TEX29: variants seen among roughly 807,000 people sequenced by gnomAD.
TEX29 encodes testis-expressed protein 29.
A neutral mutation model predicts 18.2 loss-of-function variants in TEX29; 26 were observed. The observed-to-expected ratio is 1.43, with a 90% CI of 1.04 to 1.98. TEX29 has a LOEUF of 1.98. Ranked by LOEUF, TEX29 falls within the 30% of genes most tolerant of loss-of-function variation. The pLI is 0.00. For missense variants in TEX29, 177 were observed against 194.2 expected (o/e 0.91, Z 0.53); for synonymous variants, 83 against 78.5 (o/e 1.06, Z -0.31).
intron 3 of TEX29, among the ~76,000 whole-genome samples, chr13:111,330,954 A>G (rs564843482): frequency 6.6e-6 from 1 of 152,296 alleles, no homozygotes; most frequent in East Asian, 1.9e-4. Context: ...CTATCGGTTT[A>G]TAGACATGTG....
intron 3 of TEX29, among the ~76,000 whole-genome samples, chr13:111,337,563 G>A (rs947124706): frequency 6.6e-6 from 1 of 151,986 alleles, no homozygotes; most frequent in African/African-American, 2.4e-5. Context: ...TTGGCTCCAG[G>A]GATCAGCGTT....
At chr13:111,320,982 G>C in intron 2 of TEX29, 34 bp downstream of exon 2, 1 of 950,258 alleles carries the variant, frequency 1.1e-6, no homozygotes, top group East Asian at 3.0e-5. Context: ...GGCGGGTGGG[G>C]TGGGGGAGCA....
At chr13:111,342,647 G>T in intron 4 of TEX29, 109 bp from the exon 5 acceptor site, 6 of 1,018,064 alleles carry the variant, frequency 5.9e-6, no homozygotes, top group Admixed American at 2.8e-5. Context: ...AAGTATGCAT[G>T]ATCAGGAACC....
At chr13:111,339,823 T>TA in intron 3 of TEX29, 40 bp from the exon 4 acceptor site, 1 of 1,603,318 alleles carries the variant, frequency 6.2e-7, no homozygotes, top group African/African-American at 1.3e-5. Flanking sequence ...CTTTTCTATT[T>TA]ACCTGGATCG....
intron 3 of TEX29, among the ~76,000 whole-genome samples, chr13:111,335,022 T>C (rs1026983618): frequency 6.6e-6 from 1 of 152,246 alleles, no homozygotes; most frequent in African/African-American, 2.4e-5. Context: ...GAGATTCAGC[T>C]GTTTGCCTCA....
chr13:111,317,761 C>T (rs1202106130), upstream of TEX29, among the ~76,000 whole-genome samples: 2 of 152,160 alleles, frequency 1.3e-5, no homozygotes, highest in Non-Finnish European at 2.9e-5. Context: ...TGGGGAGGGC[C>T]CTCCTGCCCC....
At position 111,342,921 on chromosome 13, in the gene TEX29, T is replaced by A. The variant is rs2093699019; in HGVS notation, c.405T>A (p.Asp135Glu). The A allele has an allele frequency of 6.2e-7, 1 of 1,613,950 alleles. No homozygotes were observed. The highest frequency in any genetic ancestry group is 2.2e-5 in the East Asian group (1 of 44,866). The change falls in exon 5 of 6, where the codon GAT becomes GAA. Residue 135 changes from aspartate (D) to glutamate (E), a missense_variant. Transcript: ENST00000283547. ...GGCCCTCGATGAAGAGTGACGAGGA[T>A]AAGGATGATGGTGAGAAGCTTCTGG... ...SAGPSMKSDE[D>E]KDDVTGTITE... is the part of the protein sequence containing the mutation.
At chr13:111,341,711 C>G (rs1455647054) in intron 4 of TEX29, among the ~76,000 whole-genome samples, 1 of 143,114 alleles carries the variant, frequency 7.0e-6, no homozygotes, top group Non-Finnish European at 1.5e-5. Context: ...AGCACCTGTG[C>G]TTGTTGATGA....
chr13:111,323,775 G>A (rs1436533907), intron 2 of TEX29, among the ~76,000 whole-genome samples: 2 of 151,956 alleles, frequency 1.3e-5, no homozygotes, highest in South Asian at 4.2e-4. Context: ...GTTCACACGC[G>A]CTCCAGGCAG....
upstream of TEX29, among the ~76,000 whole-genome samples, chr13:111,317,047 A>G (rs1384268596): frequency 6.6e-6 from 1 of 152,162 alleles, no homozygotes; most frequent in Non-Finnish European, 1.5e-5. Context: ...CTCTCTTGAC[A>G]TGTGGGGATT....
intron 2 of TEX29, among the ~76,000 whole-genome samples, chr13:111,324,900 G>A (rs1384198782): frequency 6.6e-6 from 1 of 152,200 alleles, no homozygotes; most frequent in Admixed American, 6.5e-5. Flanking sequence ...CACCGTGCTG[G>A]CGTGGGCGTG....
chr13:111,331,436 CT>C (rs1274275596), intron 3 of TEX29, among the ~76,000 whole-genome samples: 1 of 148,968 alleles, frequency 6.7e-6, no homozygotes, highest in Admixed American at 6.7e-5. Flanking sequence ...TGTATGGGTT[CT>C]TTATATATTC....
At chr13:111,332,981 A>G (rs2093684767) in intron 3 of TEX29, among the ~76,000 whole-genome samples, 1 of 152,160 alleles carries the variant, frequency 6.6e-6, no homozygotes. Context: ...TTACCCTTCA[A>G]TTTTGAAGCA....
chr13:111,329,474 C>A (rs946807310), intron 3 of TEX29, among the ~76,000 whole-genome samples: 9 of 151,304 alleles, frequency 5.9e-5, no homozygotes, highest in Non-Finnish European at 1.3e-4. Flanking sequence ...GACCAGGCAC[C>A]AGGTCCTCTT....
At position 111,342,823 on chromosome 13, in the gene TEX29, G is replaced by A. The variant is rs147432574; in HGVS notation, c.307G>A (p.Glu103Lys). 9.5e-5 allele frequency: 153 copies of A among 1,614,144 alleles called. 2 individuals are homozygous for A. The highest frequency in any genetic ancestry group is 8.7e-4 in the African/African-American group (65 of 75,024). Residue 103 changes from glutamate to lysine, a missense_variant, in exon 5 of 6, where the codon GAA becomes AAA. By Grantham distance (56) the Glu-to-Lys change is moderately conservative. Transcript: ENST00000283547. ...VDVALPQKSS[E>K]KAELASSSSK... ...TGTCGCGCTGCCACAGAAGTCCAGC[G>A]AAAAGGCGGAGTTGGCCTCATCCAG... is the stretch of plus-strand genomic sequence containing the variant.
chr13:111,326,562 C>G (rs1166923504), intron 2 of TEX29, among the ~76,000 whole-genome samples: 2 of 106,828 alleles, frequency 1.9e-5, no homozygotes, highest in South Asian at 6.1e-4. Context: ...CAACGCGAGC[C>G]TGGTGCTGGC....
At chr13:111,339,787 A>T in intron 3 of TEX29, 76 bp from the exon 4 acceptor site, 1 of 1,498,386 alleles carries the variant, frequency 6.7e-7, no homozygotes, top group Non-Finnish European at 9.3e-7. Context: ...CGACTCTGGG[A>T]GGGTTGCCTT....
chr13:111,320,223 C>G (rs113120620), upstream of TEX29, among the ~76,000 whole-genome samples: 1 of 152,200 alleles, frequency 6.6e-6, no homozygotes, highest in Non-Finnish European at 1.5e-5. Flanking sequence ...CCCCACGGCC[C>G]GGGCCTGGTC....
intron 2 of TEX29, among the ~76,000 whole-genome samples, chr13:111,322,673 C>T (rs1249614903): frequency 2.0e-5 from 3 of 152,242 alleles, no homozygotes; most frequent in Non-Finnish European, 2.9e-5. Context: ...CTGGTGTCTG[C>T]AGGCGACACT....
Sources: allele counts gnomAD v4.1 joint callset (sites outside exome capture counted in the v4.1 genomes callset), GRCh38; gene constraint gnomAD v4.1.1; transcripts MANE v1.5; gene names NCBI Gene and HGNC (gene_info 2026-07-23, HGNC 2026-07-21).